Variants in FGF14 observed in about 807,000 individuals in gnomAD.
The protein encoded by FGF14 is fibroblast growth factor homologous factor 4.
Under a neutral mutation model 25.5 loss-of-function variants are expected in FGF14, and 5 were observed. The observed-to-expected ratio is 0.20, with a 90% CI of 0.10 to 0.41. FGF14 has a LOEUF of 0.41. FGF14 is among the 10% of genes least tolerant of loss of function. FGF14 has a pLI of 1.00. For missense variants in FGF14, 222 were observed against 320.1 expected (o/e 0.69, Z 2.34); for synonymous variants, 138 against 118.3 (o/e 1.17, Z -1.08).
At chr13:102,340,024 A>G (rs1377422035) in intron 1 of FGF14, among the ~76,000 whole-genome samples, 1 of 152,238 alleles carries the variant, frequency 6.6e-6, no homozygotes, top group African/African-American at 2.4e-5. Flanking sequence ...GTGTTTGGAT[A>G]AGAGATTAAC....
chr13:102,060,095 T>C (rs1233489159), intron 1 of FGF14, among the ~76,000 whole-genome samples: 1 of 152,100 alleles, frequency 6.6e-6, no homozygotes, highest in Non-Finnish European at 1.5e-5. Context: ...TTGGAGCATT[T>C]TGAATTTTGG....
At chr13:101,991,765 G>A (rs2038919174) in intron 1 of FGF14, among the ~76,000 whole-genome samples, 1 of 152,028 alleles carries the variant, frequency 6.6e-6, no homozygotes, top group Admixed American at 6.6e-5. Context: ...ACTCAATGTG[G>A]ACCAGGTTGA....
chr13:102,240,076 T>C (rs1433689193), intron 1 of FGF14, among the ~76,000 whole-genome samples: 1 of 152,220 alleles, frequency 6.6e-6, no homozygotes, highest in African/African-American at 2.4e-5. Flanking sequence ...TACCACTTCA[T>C]AGCATAGTCT....
chr13:101,946,262 A>C (rs571374102), intron 1 of FGF14, among the ~76,000 whole-genome samples: 2 of 151,148 alleles, frequency 1.3e-5, no homozygotes, highest in East Asian at 4.0e-4. Flanking sequence ...ACAGATCTGC[A>C]GTCCTGCTCT....
At chr13:102,356,517 A>T (rs1327808415) in intron 1 of FGF14, among the ~76,000 whole-genome samples, 2 of 152,214 alleles carry the variant, frequency 1.3e-5, no homozygotes, top group African/African-American at 4.8e-5. Flanking sequence ...CCCACCAAAA[A>T]GTTATATGTT....
At chr13:101,910,454 G>A (rs1007324059) in intron 1 of FGF14, among the ~76,000 whole-genome samples, 1 of 152,078 alleles carries the variant, frequency 6.6e-6, no homozygotes, top group Non-Finnish European at 1.5e-5. Context: ...TGACTTTGAA[G>A]TGGCCCTTCC....
chr13:101,899,348 C>T (rs1382698795), intron 1 of FGF14, among the ~76,000 whole-genome samples: 2 of 151,602 alleles, frequency 1.3e-5, no homozygotes, highest in African/African-American at 2.4e-5. Context: ...TAGGAGTTAA[C>T]AGACACAGAT....
At chr13:101,850,579 T>G (rs1205902919) in intron 3 of FGF14, among the ~76,000 whole-genome samples, 1 of 114,626 alleles carries the variant, frequency 8.7e-6, no homozygotes, top group African/African-American at 3.3e-5. Context: ...TATAGAATTC[T>G]AGAATTATAT....
intron 1 of FGF14, among the ~76,000 whole-genome samples, chr13:101,929,489 G>T (rs553373152): frequency 8.5e-5 from 13 of 152,256 alleles, no homozygotes; most frequent in African/African-American, 2.6e-4. Context: ...TGTCACTGGG[G>T]ACATTCACAC....
chr13:102,103,735 G>A (rs1799735380), intron 1 of FGF14, among the ~76,000 whole-genome samples: 1 of 152,134 alleles, frequency 6.6e-6, no homozygotes, highest in Non-Finnish European at 1.5e-5. Flanking sequence ...TCCTTTACCT[G>A]AGCAGGTTTT....
intron 1 of FGF14, among the ~76,000 whole-genome samples, chr13:102,365,568 T>C (rs1040589813): frequency 2.0e-5 from 3 of 152,186 alleles, no homozygotes; most frequent in Non-Finnish European, 2.9e-5. Flanking sequence ...TAGAAACTTT[T>C]GCGTTATCTT....
chr13:102,006,444 T>G (rs924747457), intron 1 of FGF14, among the ~76,000 whole-genome samples: 2 of 152,180 alleles, frequency 1.3e-5, no homozygotes, highest in South Asian at 4.1e-4. Flanking sequence ...ACTGCCTCAG[T>G]GTGAGGCCAC....
intron 1 of FGF14, among the ~76,000 whole-genome samples, chr13:102,042,292 T>G (rs949992643): frequency 2.0e-5 from 3 of 152,188 alleles, no homozygotes; most frequent in Non-Finnish European, 4.4e-5. Flanking sequence ...ACCTGTGAAA[T>G]GTACACAAAT....
chr13:102,004,593 G>A (rs2039681476), intron 1 of FGF14, among the ~76,000 whole-genome samples: 1 of 152,158 alleles, frequency 6.6e-6, no homozygotes, highest in Admixed American at 6.5e-5. Flanking sequence ...ATTACTGATT[G>A]GAACTGGATG....
At chr13:101,914,374 T>C (rs972476714) in intron 1 of FGF14, among the ~76,000 whole-genome samples, 6 of 151,978 alleles carry the variant, frequency 3.9e-5, no homozygotes, top group Admixed American at 2.6e-4. Context: ...AGAATATATA[T>C]ACTTTTATAT....
chr13:102,038,814 T>G (rs1432668350), intron 1 of FGF14, among the ~76,000 whole-genome samples: 3 of 152,118 alleles, frequency 2.0e-5, no homozygotes, highest in Admixed American at 6.5e-5. Flanking sequence ...TATTGAAATT[T>G]TATTTATTAA....
intron 1 of FGF14, among the ~76,000 whole-genome samples, chr13:102,108,577 C>G (rs896921611): frequency 6.6e-6 from 1 of 152,106 alleles, no homozygotes; most frequent in Non-Finnish European, 1.5e-5. Context: ...TTAATCTCCC[C>G]AAAGGTTAGG....
chr13:101,931,773 G>A (rs112304390), intron 1 of FGF14, among the ~76,000 whole-genome samples: 3,095 of 152,156 alleles, frequency 0.02, 49 homozygotes, highest in Non-Finnish European at 0.025. Flanking sequence ...GTACTTCAGC[G>A]GATCTGTACC....
At chr13:102,399,711 T>A (rs1566989227) in intron 1 of FGF14, among the ~76,000 whole-genome samples, 2 of 152,158 alleles carry the variant, frequency 1.3e-5, no homozygotes, top group South Asian at 4.1e-4. Context: ...GTGTGTCGTT[T>A]CAGAGTTGCT....
Sources: allele counts gnomAD v4.1 joint callset (sites outside exome capture counted in the v4.1 genomes callset), GRCh38; gene constraint gnomAD v4.1.1; transcripts MANE v1.5; gene names NCBI Gene and HGNC (gene_info 2026-07-23, HGNC 2026-07-21).